SH2D2A: variants seen among roughly 807,000 people sequenced by gnomAD.
SH2D2A encodes the protein SH2 domain-containing protein 2A.
SH2D2A carries 33 observed loss-of-function variants against 43.6 expected under a neutral mutation model. That is an observed-to-expected ratio of 0.76 (90% CI 0.57 to 1.01). The LOEUF (loss-of-function observed/expected upper bound fraction) is 1.01. Among genes scored for constraint, SH2D2A ranks in the 50% least tolerant of loss-of-function variants. SH2D2A has a pLI of 0.00. For missense variants in SH2D2A, 491 were observed against 503.1 expected (o/e 0.98, Z 0.23); for synonymous variants, 212 against 206.1 (o/e 1.03, Z -0.25).
chr1:156,814,446 G>T, intron 3 of SH2D2A, 152 bp from the exon 4 acceptor site: 1 of 1,368,838 alleles, frequency 7.3e-7, no homozygotes, highest in Non-Finnish European at 9.8e-7. Flanking sequence ...GAGAGAGCAC[G>T]TGGGCGCTGC....
chr1:156,816,753 G>A lies in SH2D2A; in HGVS notation c.-45C>T, dbSNP rs758555901. 3.2e-6 allele frequency: 5 copies of A among 1,545,352 alleles called. No individual in the cohort carries two copies. The highest frequency in any genetic ancestry group is 4.4e-6 in the Non-Finnish European group (5 of 1,145,276). ...ATCCCAGAGCAGGGTGTGTGTATGT[G>A]TTCCGGAAAGGTGTGCACACTCAGC... On this transcript the variant is annotated 5_prime_UTR_variant, in exon 1 of 9. Coordinates refer to ENST00000368199, the MANE Select transcript of SH2D2A (RefSeq NM_003975.4).
Position 156,814,218 on chromosome 1 carries a change from C to G in SH2D2A, c.385G>C (p.Val129Leu). The change falls in exon 4 of 9, where the codon GTG (valine) becomes CTG (leucine). Residue 129 changes from valine to leucine, a missense_variant. By Grantham distance (32) the Val-to-Leu change is conservative. Transcript: ENST00000368199. ...CTCGCCCCTCACCTGTAAGTCAGCACGAAGGTCACCGCGCTCTCGCTGAAC... is the reference window on the plus strand; with the variant it reads ...CTCGCCCCTCACCTGTAAGTCAGCAGGAAGGTCACCGCGCTCTCGCTGAAC... ...VRFSESAVTFVLTYRSRTCCR... is the reference protein window; with the variant it reads ...VRFSESAVTFLLTYRSRTCCR... 8 of 1,613,804 alleles carry G rather than the reference C, an allele frequency of 5.0e-6. No homozygotes were observed. Among genetic ancestry groups the G allele is most frequent in the Non-Finnish European group, 6.8e-6 (8 of 1,179,956 alleles).
At chr1:156,814,139 C>G in intron 4 of SH2D2A, 66 bp downstream of exon 4, 1 of 1,596,414 alleles carries the variant, frequency 6.3e-7, no homozygotes, top group Non-Finnish European at 8.5e-7. Flanking sequence ...CTCACGGGAT[C>G]AGACCCAAGC....
chr1:156,813,151 G>A (rs114722191), intron 5 of SH2D2A, among the ~76,000 whole-genome samples: 1,941 of 152,250 alleles, frequency 0.013, 47 homozygotes, highest in African/African-American at 0.045. Flanking sequence ...TAAGTACTCC[G>A]TAAGTATCTC....
chr1:156,811,981 T>A (rs1653453105), intron 5 of SH2D2A, among the ~76,000 whole-genome samples: 2 of 152,162 alleles, frequency 1.3e-5, no homozygotes, highest in South Asian at 4.1e-4. Flanking sequence ...TCCAGCTGCC[T>A]ACTTGACATC....
chr1:156,815,746 C>T, intron 2 of SH2D2A: 3 of 1,495,848 alleles, frequency 2.0e-6, no homozygotes, highest in Non-Finnish European at 2.8e-6. Flanking sequence ...GGACTCAATG[C>T]ACTGCACCCT....
At position 156,807,876 on chromosome 1, in the gene SH2D2A, T is replaced by A. The variant is rs1390242945; in HGVS notation, c.1003-531A>T. Among the ~76,000 whole-genome samples, 1 of 151,918 alleles carries A rather than the reference T, an allele frequency of 6.6e-6. No individual in the cohort carries two copies. The highest frequency in any genetic ancestry group is 1.5e-5 in the Non-Finnish European group (1 of 67,974). ...GTGGCTGGTGGTAAGGCTAAGGAGG[T>A]GAGACCCCCCACCCAACCCAAGTCT... On this transcript the variant is annotated intron_variant, in intron 7 of 8. Transcript: ENST00000368199. This position sits in a 1 kb window ranked among gnomAD's most constrained non-coding sequence, Gnocchi z 5.1.
chr1:156,816,134 G>T, intron 1 of SH2D2A, 40 bp from the exon 2 acceptor site: 1 of 1,584,498 alleles, frequency 6.3e-7, no homozygotes. Context: ...TCTCAGAGAG[G>T]AACTATGTCT....
chr1:156,809,650 C>A lies in SH2D2A; in HGVS notation c.714+11G>T. 6.2e-7 allele frequency: 1 copy of A among 1,603,542 alleles called. No individual in the cohort carries two copies. The highest frequency in any genetic ancestry group is 8.5e-7 in the Non-Finnish European group (1 of 1,176,246). ...TGTCCTCCCACTCCCTCAGCCCCTGCAGCCCAATACCTCCTTCTCCCCGGC... is the reference window on the plus strand; with the variant it reads ...TGTCCTCCCACTCCCTCAGCCCCTGAAGCCCAATACCTCCTTCTCCCCGGC... On this transcript the variant is annotated intron_variant, in intron 6 of 8. Transcript: ENST00000368199. The surrounding 1 kb of genome is among the most constrained non-coding windows in gnomAD (Gnocchi z 4.8).
At chr1:156,814,173 T>A (rs1213315731) in intron 4 of SH2D2A, 32 bp downstream of exon 4, 1 of 1,612,208 alleles carries the variant, frequency 6.2e-7, no homozygotes, top group Non-Finnish European at 8.5e-7. Flanking sequence ...AGCCCCGCCT[T>A]GTGTCGCCCG....
chr1:156,814,204 C>G lies in SH2D2A; in HGVS notation c.398+1G>C. ...GCCCGGCGCGGGGCCTCGCCCCTCA[C>G]CTGTAAGTCAGCACGAAGGTCACCG... On this transcript the variant is annotated splice_donor_variant, in intron 4 of 8. Coordinates refer to ENST00000368199, the MANE Select transcript of SH2D2A (RefSeq NM_003975.4). LOFTEE classifies it high-confidence loss of function. The G allele has an allele frequency of 1.2e-6, 2 of 1,613,570 alleles. No homozygotes were observed. Among genetic ancestry groups the G allele is most frequent in the South Asian group, 2.2e-5 (2 of 91,080 alleles).
At chr1:156,812,931 C>T (rs1653523037) in intron 5 of SH2D2A, among the ~76,000 whole-genome samples, 1 of 152,222 alleles carries the variant, frequency 6.6e-6, no homozygotes, top group South Asian at 2.1e-4. Flanking sequence ...GCGTGGCACA[C>T]AGTGGTCCCT....
At chr1:156,814,339 C>G (rs778556642) in intron 3 of SH2D2A, 45 bp from the exon 4 acceptor site, 7 of 1,591,916 alleles carry the variant, frequency 4.4e-6, no homozygotes, top group Non-Finnish European at 6.0e-6. Context: ...TCTGACACTT[C>G]CAGCCTCGCC....
At chr1:156,814,423 G>A in intron 3 of SH2D2A, 129 bp from the exon 4 acceptor site, 1 of 1,472,434 alleles carries the variant, frequency 6.8e-7, no homozygotes, top group Non-Finnish European at 9.1e-7. Context: ...AAAGGCTAGG[G>A]CGGAGATGGG....
At position 156,814,298 on chromosome 1, in the gene SH2D2A, T is replaced by C; in HGVS notation, c.309-4A>G. Reference sequence around the variant, plus strand: ...CTCCAGCAGCCTCTCTGCCTCCCTGTGGGTGACGGAGAGAGGGGGCCGAAC... The same window carrying C: ...CTCCAGCAGCCTCTCTGCCTCCCTGCGGGTGACGGAGAGAGGGGGCCGAAC... On this transcript the variant is annotated splice_polypyrimidine_tract_variant and splice_region_variant and intron_variant, in intron 3 of 8. Transcript: ENST00000368199. 1 of 1,613,210 alleles carries C rather than the reference T, an allele frequency of 6.2e-7. No homozygotes were observed.
intron 3 of SH2D2A, 115 bp from the exon 4 acceptor site, chr1:156,814,409 A>G: frequency 2.0e-6 from 3 of 1,504,012 alleles, no homozygotes; most frequent in Non-Finnish European, 2.7e-6. Flanking sequence ...TGGAGCGGCT[A>G]GAGAAAGGCT....
At chr1:156,814,058 G>T in intron 4 of SH2D2A, 42 bp from the exon 5 acceptor site, 1 of 1,488,546 alleles carries the variant, frequency 6.7e-7, no homozygotes, top group South Asian at 1.3e-5. Flanking sequence ...CCCGCTCCTC[G>T]GCCAGGGTCA....
At chr1:156,810,426 G>A (rs758858071) in intron 5 of SH2D2A, among the ~76,000 whole-genome samples, 18 of 152,158 alleles carry the variant, frequency 1.2e-4, no homozygotes, top group Non-Finnish European at 1.8e-4. Flanking sequence ...GGCTTTACAC[G>A]TCTTTAACTG....
In SH2D2A at chr1:156,807,452, G is replaced by GAGTTTAGATACCCTCTCT; in HGVS notation, c.1003-108_1003-107insAGAGAGGGTATCTAAACT. ...TGAACAGACTTTGGCTTCCAGAGAG[G>GAGTTTAGATACCCTCTCT]GTATCTAAACTCCTCTCATTCATTA... On this transcript the variant is annotated intron_variant, in intron 7 of 8. Transcript: ENST00000368199. This position sits in a 1 kb window ranked among gnomAD's most constrained non-coding sequence, Gnocchi z 5.1. 2 of 952,194 alleles carry GAGTTTAGATACCCTCTCT rather than the reference G, an allele frequency of 2.1e-6. No homozygotes were observed. Among genetic ancestry groups the GAGTTTAGATACCCTCTCT allele is most frequent in the Non-Finnish European group, 3.0e-6 (2 of 663,452 alleles). 59.0% of individuals were successfully genotyped at this position (952,194 alleles called of 1,614,324 possible).
Sources: gnomAD v4.1 joint callset for allele counts (sites outside exome capture counted in the v4.1 genomes callset) on GRCh38, gnomAD v4.1.1 for gene constraint, Gnocchi (gnomAD v3.1) non-coding constraint, MANE v1.5 for transcripts, NCBI Gene and HGNC (gene_info 2026-07-23, HGNC 2026-07-21) for gene names.